Variants in NRK observed in about 807,000 individuals in gnomAD.
NRK encodes the protein nik-related protein kinase.
A neutral mutation model predicts 125.2 loss-of-function variants in NRK; 67 were observed. That is an observed-to-expected ratio of 0.54 (90% CI 0.44 to 0.66). The LOEUF (loss-of-function observed/expected upper bound fraction) is 0.66. Among genes scored for constraint, NRK ranks in the 30% least tolerant of loss-of-function variants. The pLI, the probability that NRK is intolerant of heterozygous loss-of-function variation, is 0.00. For synonymous variants in NRK, 458 were observed against 429.0 expected, an observed-to-expected ratio of 1.07 and a Z score of -0.84; for missense variants, 1,224 against 1,192.9, an observed-to-expected ratio of 1.03 and a Z score of -0.38.
chrX:105,949,540 T>G, intron 26 of NRK, 35 bp from the exon 27 acceptor site: 4 of 1,103,691 alleles, frequency 3.6e-6, no homozygotes, highest in Non-Finnish European at 3.7e-6. Context: ...TGATAAAATA[T>G]TGGACATATA....
chrX:105,861,547 C>T (rs966921060), intron 2 of NRK, among the ~76,000 whole-genome samples: 1 of 111,498 alleles, frequency 9.0e-6, no homozygotes, highest in African/African-American at 3.3e-5. Context: ...AGGTAATTTC[C>T]GTGTGTGGTA....
intron 3 of NRK, among the ~76,000 whole-genome samples, 156 bp from the exon 4 acceptor site, chrX:105,881,552 A>G (rs1360816692): frequency 1.8e-5 from 2 of 112,003 alleles, no homozygotes; most frequent in Non-Finnish European, 3.8e-5. Context: ...TGTCATAAGA[A>G]TTTGGTTTTT....
rs1337870842 is a variant in NRK, at chrX:105,955,978, A to G, written c.*378A>G. On this transcript the variant is annotated 3_prime_UTR_variant, in exon 29 of 29. Coordinates refer to ENST00000243300, the MANE Select transcript of NRK (RefSeq NM_198465.4). ...TCAAAAGAATTGGCACTGGGATAAG[A>G]TTTTTCAGAAAAAGAAAAACATCGG... 1 of 116,266 alleles carries G rather than the reference A, an allele frequency of 8.6e-6. No homozygotes were observed. The highest frequency in any genetic ancestry group is 1.8e-5 in the Non-Finnish European group (1 of 56,219). The allele number at this position is 116,266 out of a possible 1,213,427, so 9.6% of individuals were successfully genotyped here. A position where few individuals can be genotyped will look rare whatever the true frequency, so the allele number is the denominator to read the frequency against.
chrX:105,843,556 T>C (rs931970988), intron 2 of NRK, among the ~76,000 whole-genome samples: 3 of 112,304 alleles, frequency 2.7e-5, no homozygotes, highest in African/African-American at 9.7e-5. Flanking sequence ...TGTGTAGAGA[T>C]AAATATTTCC....
At chrX:105,858,433 T>TA (rs1274520623) in intron 2 of NRK, among the ~76,000 whole-genome samples, 1 of 107,886 alleles carries the variant, frequency 9.3e-6, no homozygotes, top group Non-Finnish European at 1.9e-5. Context: ...ACTTGAAAGA[T>TA]ATGTGGATGG....
chrX:105,838,792 C>T (rs2039296923), intron 2 of NRK, among the ~76,000 whole-genome samples: 1 of 109,967 alleles, frequency 9.1e-6, no homozygotes, highest in Non-Finnish European at 1.9e-5. Flanking sequence ...AGTCATCTGT[C>T]TTCTTGGTGG....
At chrX:105,848,423 A>G (rs1476995792) in intron 2 of NRK, among the ~76,000 whole-genome samples, 1 of 112,103 alleles carries the variant, frequency 8.9e-6, no homozygotes, top group African/African-American at 3.2e-5. Context: ...TCCCTCTCAC[A>G]TAAGATTGTG....
At chrX:105,924,061 C>T (rs980698168) in intron 18 of NRK, among the ~76,000 whole-genome samples, 26 of 108,277 alleles carry the variant, frequency 2.4e-4, no homozygotes, top group Admixed American at 2.0e-4. Flanking sequence ...ACCACAGGCA[C>T]GTATGTTTAA....
At chrX:105,909,913 CA>C in intron 13 of NRK, 31 bp downstream of exon 13, 1 of 1,074,855 alleles carries the variant, frequency 9.3e-7, no homozygotes, top group Non-Finnish European at 1.2e-6. Flanking sequence ...TACTCTGAGT[CA>C]AAAATGAAGA....
At chrX:105,828,972 A>G (rs943617715) in intron 1 of NRK, among the ~76,000 whole-genome samples, 3 of 112,039 alleles carry the variant, frequency 2.7e-5, no homozygotes, top group African/African-American at 9.7e-5. Context: ...CTAAGCTGCT[A>G]GGCTGCTGCT....
At chrX:105,948,750 G>A (rs1465952007) in intron 26 of NRK, 11 of 471,006 alleles carry the variant, frequency 2.3e-5, no homozygotes, top group East Asian at 3.8e-5. Context: ...GCCTGAGTAC[G>A]CTGGGTTTGG....
intron 12 of NRK, 86 bp from the exon 13 acceptor site, chrX:105,908,641 C>CTT (rs1419127727): frequency 1.4e-5 from 15 of 1,087,824 alleles, no homozygotes; most frequent in Admixed American, 1.1e-4. Context: ...AAATGTCCAT[C>CTT]TTTTAAAGTA....
At chrX:105,902,415 G>A (rs2040170508) in intron 9 of NRK, among the ~76,000 whole-genome samples, 1 of 111,820 alleles carries the variant, frequency 8.9e-6, no homozygotes, top group Non-Finnish European at 1.9e-5. Context: ...GGAAATAATT[G>A]TCATCAGTTT....
At chrX:105,859,169 G>GA (rs775195279) in intron 2 of NRK, among the ~76,000 whole-genome samples, 25 of 111,574 alleles carry the variant, frequency 2.2e-4, no homozygotes, top group African/African-American at 7.5e-4. Context: ...AGATAAAAGA[G>GA]AAAAAACCTG....
intron 2 of NRK, among the ~76,000 whole-genome samples, chrX:105,845,218 A>G (rs2039385354): frequency 8.9e-6 from 1 of 112,156 alleles, no homozygotes; most frequent in African/African-American, 3.2e-5. Context: ...TCGTTCTAAA[A>G]AAAGCTATGA....
At position 105,822,866 on chromosome X, in the gene NRK, G is replaced by T; in HGVS notation, c.21G>T (p.Trp7Cys). The T allele has an allele frequency of 8.5e-7, 1 of 1,171,660 alleles. No individual in the cohort carries two copies. The highest frequency in any genetic ancestry group is 1.1e-6 in the Non-Finnish European group (1 of 874,481). Reference protein sequence around the residue: MAGPGGWRDREVTDLGH... With the variant: MAGPGGCRDREVTDLGH... ...AAGCCATGGCGGGACCTGGGGGCTGGAGGGACAGGGAGGTCACGGATCTGG... is the reference window on the plus strand; with the variant it reads ...AAGCCATGGCGGGACCTGGGGGCTGTAGGGACAGGGAGGTCACGGATCTGG... The change falls in exon 1 of 29, where the codon TGG (tryptophan) becomes TGT (cysteine). Residue 7 changes from tryptophan to cysteine, a missense_variant. Trp to Cys is a radical substitution (Grantham distance 215). Transcript: ENST00000243300.
Position 105,946,294 on chromosome X carries a change from T to C in NRK, c.4204-21T>C, listed in dbSNP as rs770266657. 9.4e-6 allele frequency: 11 copies of C among 1,170,276 alleles called. No individual in the cohort carries two copies. In the East Asian group the frequency reaches 3.3e-4, roughly 35 times the overall value. ...AATGTCATTTTTGGCCTTTTGGCCATATTTGGTTTTATATTCACAGGTATT... is the reference window on the plus strand; with the variant it reads ...AATGTCATTTTTGGCCTTTTGGCCACATTTGGTTTTATATTCACAGGTATT... On this transcript the variant is annotated intron_variant, in intron 25 of 28. Coordinates refer to ENST00000243300, the MANE Select transcript of NRK (RefSeq NM_198465.4).
chrX:105,918,421 A>G (rs2040393943), intron 16 of NRK, among the ~76,000 whole-genome samples: 1 of 111,119 alleles, frequency 9.0e-6, no homozygotes, highest in Non-Finnish European at 1.9e-5. Context: ...GATTTTATTA[A>G]AATGTTAATA....
At chrX:105,834,419 A>G (rs2039234694) in intron 2 of NRK, among the ~76,000 whole-genome samples, 1 of 109,220 alleles carries the variant, frequency 9.2e-6, no homozygotes, top group African/African-American at 3.3e-5. Flanking sequence ...GTTTTTCAGC[A>G]GTTTAAATAT....
Sources: allele counts gnomAD v4.1 joint callset (sites outside exome capture counted in the v4.1 genomes callset), GRCh38; gene constraint gnomAD v4.1.1; transcripts MANE v1.5; gene names NCBI Gene and HGNC (gene_info 2026-07-23, HGNC 2026-07-21).